AKR1B10: variants seen among roughly 807,000 people sequenced by gnomAD.
The protein encoded by AKR1B10 is aldo-keto reductase family 1 member B10, also known as ARP.
In AKR1B10, 39 loss-of-function variants were observed where a neutral mutation model predicts 38.9. The observed-to-expected ratio is 1.00, with a 90% CI of 0.78 to 1.31. The LOEUF is 1.31. Among genes scored for constraint, AKR1B10 ranks in the 50% most tolerant of loss-of-function variants. The probability of loss-of-function intolerance (pLI) is 0.00; values close to 1 mark genes in which losing one functional copy is unlikely to be tolerated. For missense variants in AKR1B10, 361 were observed against 382.6 expected (o/e 0.94, Z 0.47); for synonymous variants, 148 against 141.2 (o/e 1.05, Z -0.34).
At chr7:134,535,967 A>G (rs1807989994) in intron 4 of AKR1B10, among the ~76,000 whole-genome samples, 1 of 152,246 alleles carries the variant, frequency 6.6e-6, no homozygotes, top group Non-Finnish European at 1.5e-5. Flanking sequence ...AAAATTATAC[A>G]AAGATTCCCT....
In AKR1B10 at chr7:134,541,298, A is replaced by T; in HGVS notation, c.*209A>T. The T allele has an allele frequency of 2.0e-6, 1 of 503,470 alleles. No individual in the cohort carries two copies. Among genetic ancestry groups the T allele is most frequent in the Non-Finnish European group, 3.5e-6 (1 of 286,520 alleles). 31.2% of individuals were successfully genotyped at this position (503,470 alleles called of 1,614,324 possible). A position where few individuals can be genotyped will look rare whatever the true frequency, so the allele number is the denominator to read the frequency against. On this transcript the variant is annotated 3_prime_UTR_variant, in exon 10 of 10. Coordinates refer to ENST00000359579, the MANE Select transcript of AKR1B10 (RefSeq NM_020299.5). The stretch of plus-strand genomic sequence containing the variant: ...ATCACAGAAAAGCATGGCTTGAATA[A>T]GGAAATGACAATTTTTTCCACTTAT...
At chr7:134,533,499 A>C (rs1421367866) in intron 4 of AKR1B10, among the ~76,000 whole-genome samples, 4 of 152,208 alleles carry the variant, frequency 2.6e-5, no homozygotes. Context: ...CCAGTGTGTG[A>C]TAAAGATTAA....
Position 134,541,312 on chromosome 7 carries a change from T to G in AKR1B10, c.*223T>G, listed in dbSNP as rs992198832. 4.1e-6 allele frequency: 2 copies of G among 484,326 alleles called. No homozygotes were observed. The highest frequency in any genetic ancestry group is 7.3e-6 in the Non-Finnish European group (2 of 274,368). 30.0% of individuals were successfully genotyped at this position (484,326 alleles called of 1,614,324 possible). ...TGGCTTGAATAAGGAAATGACAATT[T>G]TTTCCACTTATCTGATCAGAACAAA... On this transcript the variant is annotated 3_prime_UTR_variant, in exon 10 of 10. Coordinates refer to ENST00000359579, the MANE Select transcript of AKR1B10 (RefSeq NM_020299.5).
Position 134,533,028 on chromosome 7 carries a change from G to T in AKR1B10, c.376G>T (p.Asp126Tyr). The T allele has an allele frequency of 1.2e-6, 2 of 1,601,312 alleles. No homozygotes were observed. Among genetic ancestry groups the T allele is most frequent in the Non-Finnish European group, 1.7e-6 (2 of 1,175,910 alleles). ...GTCTGGGGATGACCTTTTCCCCAAA[G>T]ATGATAAAGGTAATGCCATCGGTGG... ...FKSGDDLFPK[D>Y]DKGNAIGGKA... The change falls in exon 4 of 10, where the codon GAT (aspartate) becomes TAT (tyrosine). Residue 126 changes from aspartate to tyrosine, a missense_variant. Transcript: ENST00000359579.
chr7:134,534,565 G>C (rs534276268), intron 4 of AKR1B10, among the ~76,000 whole-genome samples: 45 of 152,302 alleles, frequency 3.0e-4, no homozygotes, highest in African/African-American at 1.1e-3. Context: ...CATTTGAAAG[G>C]CATGAAAAGA....
In AKR1B10 at chr7:134,536,752, T is replaced by C; in HGVS notation, c.532T>C (p.Tyr178His). Residue 178 changes from tyrosine to histidine, a missense_variant, in exon 5 of 10, where the codon TAT (tyrosine) becomes CAT (histidine). Transcript: ENST00000359579. The part of the protein sequence containing the change: ...EKLLNKPGLK[Y>H]KPVTNQVECH... ...GCTCTTGAACAAACCTGGACTGAAA[T>C]ATAAACCAGTGACTAACCAGGTAAA... The C allele has an allele frequency of 6.2e-7, 1 of 1,613,874 alleles. No individual in the cohort carries two copies. The highest frequency in any genetic ancestry group is 8.5e-7 in the Non-Finnish European group (1 of 1,179,796).
In AKR1B10 at chr7:134,527,966, G is replaced by A; in HGVS notation, c.55G>A (p.Gly19Ser). Reference protein sequence around the residue: ...TKAKMPIVGLGTWKSPLGKVK... With the variant: ...TKAKMPIVGLSTWKSPLGKVK... ...AGCCAAGATGCCCATTGTGGGCCTGGGCACTTGGAAGGTAAATATGCAAAT... is the reference window on the plus strand; with the variant it reads ...AGCCAAGATGCCCATTGTGGGCCTGAGCACTTGGAAGGTAAATATGCAAAT... Residue 19 changes from glycine to serine, a missense_variant, in exon 1 of 10, where the codon GGC becomes AGC. Coordinates refer to ENST00000359579, the MANE Select transcript of AKR1B10 (RefSeq NM_020299.5). 1.2e-6 allele frequency: 2 copies of A among 1,614,020 alleles called. No homozygotes were observed. Among genetic ancestry groups the A allele is most frequent in the Non-Finnish European group, 8.5e-7 (1 of 1,179,940 alleles).
intron 4 of AKR1B10, among the ~76,000 whole-genome samples, chr7:134,533,824 G>A (rs1807929324): frequency 6.6e-6 from 1 of 152,100 alleles, no homozygotes; most frequent in South Asian, 2.1e-4. Context: ...ATGAATGAAG[G>A]GATGAACATT....
Position 134,541,288 on chromosome 7 carries a change from G to T in AKR1B10, c.*199G>T. 2.0e-6 allele frequency: 1 copy of T among 512,546 alleles called. No individual in the cohort carries two copies. Among genetic ancestry groups the T allele is most frequent in the Non-Finnish European group, 3.4e-6 (1 of 293,312 alleles). 31.7% of individuals were successfully genotyped at this position (512,546 alleles called of 1,614,324 possible). ...GGATCAGAATATCACAGAAAAGCAT[G>T]GCTTGAATAAGGAAATGACAATTTT... On this transcript the variant is annotated 3_prime_UTR_variant, in exon 10 of 10. Transcript: ENST00000359579.
At chr7:134,528,515 G>A (rs985040727) in intron 1 of AKR1B10, among the ~76,000 whole-genome samples, 19 of 152,190 alleles carry the variant, frequency 1.2e-4, no homozygotes, top group African/African-American at 4.1e-4. Flanking sequence ...CTTGAGCCCA[G>A]GAGTTGGAGA....
intron 1 of AKR1B10, among the ~76,000 whole-genome samples, chr7:134,528,956 G>A (rs1807774057): frequency 6.6e-6 from 1 of 152,126 alleles, no homozygotes; most frequent in Non-Finnish European, 1.5e-5. Context: ...ATGTGGTAAG[G>A]CACATCCAGG....
At chr7:134,532,335 A>G (rs186134862) in intron 3 of AKR1B10, among the ~76,000 whole-genome samples, 12 of 152,272 alleles carry the variant, frequency 7.9e-5, no homozygotes, top group African/African-American at 2.2e-4. Context: ...TCCACGCCCC[A>G]GGGTTGCCCT....
In AKR1B10 at chr7:134,531,908, T is replaced by G. The variant is rs143396171; in HGVS notation, c.235T>G (p.Leu79Val). The change falls in exon 3 of 10, where the codon TTG becomes GTG. Residue 79 changes from leucine (L) to valine (V), a missense_variant and splice_region_variant. This residue lies in a region of AKR1B10 where 220 missense variants were observed against 216.1 expected (regional missense o/e 1.02). Coordinates refer to ENST00000359579, the MANE Select transcript of AKR1B10 (RefSeq NM_020299.5). ...TAGCTCATTGCTACACTCTTTGCAG[T>G]TGTGGCCCACTTTCTTTGAGAGACC... ...KREDLFIVSK[L>V]WPTFFERPLV... is the part of the protein sequence containing the mutation. The G allele has an allele frequency of 3.0e-4, 479 of 1,612,624 alleles. No homozygotes were observed. The highest frequency in any genetic ancestry group is 2.2e-3 in the African/African-American group (165 of 73,774).
At chr7:134,538,621 G>GA (rs373437618) in intron 8 of AKR1B10, among the ~76,000 whole-genome samples, 182 of 152,254 alleles carry the variant, frequency 1.2e-3, no homozygotes, top group African/African-American at 4.2e-3. Context: ...GGCAGCAGAG[G>GA]AGGTGTGAAC....
chr7:134,532,808 G>T (rs958799264), intron 3 of AKR1B10, among the ~76,000 whole-genome samples, 196 bp from the exon 4 acceptor site: 1 of 152,106 alleles, frequency 6.6e-6, no homozygotes, highest in Admixed American at 6.5e-5. Context: ...CAAGCCAGTC[G>T]TTTCTAAAAT....
chr7:134,530,677 T>G lies in AKR1B10; in HGVS notation c.101T>G (p.Val34Gly). Residue 34 changes from valine to glycine, a missense_variant, in exon 2 of 10, where the codon GTG becomes GGG. Val to Gly is a moderately radical substitution (Grantham distance 109, BLOSUM62 -3). Around this residue, in one of 3 missense-constraint regions of AKR1B10, gnomAD observed 220 missense variants for 216.1 expected, o/e 1.02. Transcript: ENST00000359579. ...GGCAAAGTGAAAGAAGCAGTGAAGG[T>G]GGCCATTGATGCAGGATATCGGCAC... Reference protein sequence around the residue: ...PLGKVKEAVKVAIDAGYRHID... With the variant: ...PLGKVKEAVKGAIDAGYRHID... 6.2e-7 allele frequency: 1 copy of G among 1,614,054 alleles called. No individual in the cohort carries two copies. The highest frequency in any genetic ancestry group is 8.5e-7 in the Non-Finnish European group (1 of 1,179,952).
chr7:134,527,831 G>C lies in AKR1B10; in HGVS notation c.-81G>C. On this transcript the variant is annotated 5_prime_UTR_variant, in exon 1 of 10. Coordinates refer to ENST00000359579, the MANE Select transcript of AKR1B10 (RefSeq NM_020299.5). ...ACTGCACTCTAGCCTTGGCAACAGT[G>C]CAAGACTGTCTCAAAAACAGCAACA... 6.2e-7 allele frequency: 1 copy of C among 1,601,148 alleles called. No individual in the cohort carries two copies. Among genetic ancestry groups the C allele is most frequent in the Non-Finnish European group, 8.5e-7 (1 of 1,171,428 alleles).
intron 3 of AKR1B10, among the ~76,000 whole-genome samples, chr7:134,532,395 A>G (rs1249851088): frequency 1.3e-5 from 2 of 152,082 alleles, no homozygotes; most frequent in African/African-American, 2.4e-5. Flanking sequence ...CCAGGGCATA[A>G]TTATCTTATT....
Position 134,537,650 on chromosome 7 carries a change from A to T in AKR1B10, c.730A>T (p.Thr244Ser). The T allele has an allele frequency of 1.2e-6, 2 of 1,614,120 alleles. No individual in the cohort carries two copies. Among genetic ancestry groups the T allele is most frequent in the South Asian group, 1.1e-5 (1 of 91,076 alleles). ...IKEIAAKHKK[T>S]AAQVLIRFHI... ...GGAGATTGCTGCAAAGCACAAAAAAACCGCAGCCCAGGTGCCATATTTTTA... is the reference window on the plus strand; with the variant it reads ...GGAGATTGCTGCAAAGCACAAAAAATCCGCAGCCCAGGTGCCATATTTTTA... Residue 244 changes from threonine (T) to serine (S), a missense_variant, in exon 7 of 10, where the codon ACC becomes TCC. Around this residue, in one of 3 missense-constraint regions of AKR1B10, gnomAD observed 132 missense variants for 134.6 expected, o/e 0.98. Coordinates refer to ENST00000359579, the MANE Select transcript of AKR1B10 (RefSeq NM_020299.5).
Sources: allele counts gnomAD v4.1 joint callset (sites outside exome capture counted in the v4.1 genomes callset), GRCh38; gene constraint gnomAD v4.1.1; regional missense constraint gnomAD v4.1.1; transcripts MANE v1.5; gene names NCBI Gene and HGNC (gene_info 2026-07-23, HGNC 2026-07-21).